Variants in EPS8 observed in about 807,000 individuals in gnomAD.
EPS8 encodes the protein epidermal growth factor receptor kinase substrate 8.
EPS8 carries 42 observed loss-of-function variants against 103.8 expected under a neutral mutation model. The observed-to-expected ratio is 0.40, with a 90% CI of 0.32 to 0.52. The LOEUF (loss-of-function observed/expected upper bound fraction) is 0.52. EPS8 is among the 20% of genes least tolerant of loss of function. The pLI is 0.40. For synonymous variants in EPS8, 344 were observed against 344.6 expected, an observed-to-expected ratio of 1.00 and a Z score of 0.02; for missense variants, 969 against 1,005.1, an observed-to-expected ratio of 0.96 and a Z score of 0.49.
In EPS8 at chr12:15,748,674, T is replaced by C. The variant is rs1333291209; in HGVS notation, c.-22+40487A>G. Reference sequence around the variant, plus strand: ...AGAAAAGAAAATATGCCCAGTTAGTTTAAAATGGAATAACTCTAGATAGAA... The same window carrying C: ...AGAAAAGAAAATATGCCCAGTTAGTCTAAAATGGAATAACTCTAGATAGAA... On this transcript the variant is annotated intron_variant, in intron 1 of 20. Coordinates refer to ENST00000281172, the MANE Select transcript of EPS8 (RefSeq NM_004447.6). This position sits in a 1 kb window ranked among gnomAD's most constrained non-coding sequence, Gnocchi z 4.8. Among the ~76,000 whole-genome samples the C allele has an allele frequency of 6.6e-6, 1 of 152,188 alleles. No individual in the cohort carries two copies. Among genetic ancestry groups the C allele is most frequent in the Non-Finnish European group, 1.5e-5 (1 of 68,034 alleles).
chr12:15,696,808 C>T lies in EPS8; in HGVS notation c.-21-13836G>A, dbSNP rs1439907556. On this transcript the variant is annotated intron_variant, in intron 1 of 20. Transcript: ENST00000281172. This position sits in a 1 kb window ranked among gnomAD's most constrained non-coding sequence, Gnocchi z 4.8. Reference sequence around the variant, plus strand: ...TTGCCAGGAATTACATTCCTAAACTCGGGCATGTGGAATTAAAACCAAGCA... The same window carrying T: ...TTGCCAGGAATTACATTCCTAAACTTGGGCATGTGGAATTAAAACCAAGCA... Among the ~76,000 whole-genome samples, 1 of 151,944 alleles carries T rather than the reference C, an allele frequency of 6.6e-6. No individual in the cohort carries two copies. The highest frequency in any genetic ancestry group is 2.1e-4 in the South Asian group (1 of 4,814).
Position 15,727,220 on chromosome 12 carries a change from G to A in EPS8, c.-21-44248C>T, listed in dbSNP as rs1297695295. ...ACCTGGGGTTCTGATTACTTCCCTCGTGGATTTAATATCTACCTTTATACG... is the reference window on the plus strand; with the variant it reads ...ACCTGGGGTTCTGATTACTTCCCTCATGGATTTAATATCTACCTTTATACG... On this transcript the variant is annotated intron_variant, in intron 1 of 20. Transcript: ENST00000281172. The surrounding 1 kb of genome is among the most constrained non-coding windows in gnomAD (Gnocchi z 4.3). 6.6e-6 allele frequency among the ~76,000 whole-genome samples: 1 copy of A among 152,044 alleles called. No homozygotes were observed. The highest frequency in any genetic ancestry group is 1.5e-5 in the Non-Finnish European group (1 of 68,016).
In EPS8 at chr12:15,767,190, A is replaced by T. The variant is rs1947107457; in HGVS notation, c.-22+21971T>A. Among the ~76,000 whole-genome samples the T allele has an allele frequency of 1.3e-5, 2 of 152,198 alleles. No individual in the cohort carries two copies. The highest frequency in any genetic ancestry group is 4.8e-5 in the African/African-American group (2 of 41,442). ...ATAACTGTATGGTGAAGGAAATCTA[A>T]ATAATATTGTTCAAAATATATCAAT... is the stretch of plus-strand genomic sequence containing the variant. On this transcript the variant is annotated intron_variant, in intron 1 of 20. Transcript: ENST00000281172. This position sits in a 1 kb window ranked among gnomAD's most constrained non-coding sequence, Gnocchi z 5.5.
At chr12:15,770,802 G>A (rs1565537776) in intron 1 of EPS8, among the ~76,000 whole-genome samples, 1 of 152,128 alleles carries the variant, frequency 6.6e-6, no homozygotes, top group African/African-American at 2.4e-5. Context: ...TAAAAACTGT[G>A]GTCAGTATTT....
chr12:15,660,026 A>G (rs1262542555), intron 10 of EPS8, among the ~76,000 whole-genome samples: 2 of 152,210 alleles, frequency 1.3e-5, no homozygotes, highest in Non-Finnish European at 2.9e-5. Flanking sequence ...TTAATTTTAC[A>G]ATAACTAATG....
chr12:15,770,960 C>T (rs1329485919), intron 1 of EPS8, among the ~76,000 whole-genome samples: 3 of 152,078 alleles, frequency 2.0e-5, no homozygotes, highest in Admixed American at 6.6e-5. Flanking sequence ...TAAGGCCTGT[C>T]CAAAAGTAAA....
chr12:15,669,599 G>A, intron 5 of EPS8, 63 bp from the exon 6 acceptor site: 3 of 1,556,172 alleles, frequency 1.9e-6, no homozygotes, highest in Non-Finnish European at 2.6e-6. Context: ...AATCTGAAAT[G>A]ATTGTAAACA....
intron 6 of EPS8, among the ~76,000 whole-genome samples, chr12:15,667,141 G>T (rs1945727835): frequency 6.6e-6 from 1 of 152,152 alleles, no homozygotes; most frequent in Non-Finnish European, 1.5e-5. Context: ...CTGTTTGGTT[G>T]CAAAGTTTGT....
intron 1 of EPS8, 71 bp from the exon 2 acceptor site, chr12:15,683,043 AT>A: frequency 1.4e-6 from 1 of 733,690 alleles, no homozygotes; most frequent in Non-Finnish European, 2.2e-6. Flanking sequence ...AAAGTTATTC[AT>A]TCAACAAATA....
At position 15,693,685 on chromosome 12, in the gene EPS8, T is replaced by A. The variant is rs1286255051; in HGVS notation, c.-21-10713A>T. On this transcript the variant is annotated intron_variant, in intron 1 of 20. Transcript: ENST00000281172. This position sits in a 1 kb window ranked among gnomAD's most constrained non-coding sequence, Gnocchi z 5.6. ...ATTTGGAGGAAGTGAAATAAATGCATATACCACCATGGAATACTATGCAGC... is the reference window on the plus strand; with the variant it reads ...ATTTGGAGGAAGTGAAATAAATGCAAATACCACCATGGAATACTATGCAGC... Among the ~76,000 whole-genome samples, 1 of 152,164 alleles carries A rather than the reference T, an allele frequency of 6.6e-6. No homozygotes were observed. The highest frequency in any genetic ancestry group is 2.4e-5 in the African/African-American group (1 of 41,444).
intron 15 of EPS8, among the ~76,000 whole-genome samples, chr12:15,644,710 A>C (rs1945291809): frequency 1.3e-5 from 2 of 152,248 alleles, no homozygotes; most frequent in South Asian, 2.1e-4. Flanking sequence ...AAAAAAAAAA[A>C]AAAACTGTTA....
At chr12:15,703,359 G>A (rs1324626729) in intron 1 of EPS8, among the ~76,000 whole-genome samples, 2 of 152,114 alleles carry the variant, frequency 1.3e-5, no homozygotes, top group African/African-American at 2.4e-5. Flanking sequence ...TATGAACAAT[G>A]TACTAGGAAA....
At chr12:15,664,185 T>A (rs1007001326) in intron 8 of EPS8, among the ~76,000 whole-genome samples, 4 of 151,462 alleles carry the variant, frequency 2.6e-5, no homozygotes, top group Non-Finnish European at 4.4e-5. Context: ...TTACTGTCTT[T>A]TAAACACATT....
chr12:15,650,716 C>G, intron 14 of EPS8, 107 bp downstream of exon 14: 1 of 950,336 alleles, frequency 1.1e-6, no homozygotes, highest in Non-Finnish European at 1.6e-6. Flanking sequence ...GACTTTGATT[C>G]TAGAACAATT....
In EPS8 at chr12:15,764,299, A is replaced by G. The variant is rs1947071303; in HGVS notation, c.-22+24862T>C. ...CCGGGTCCCTCTCATGACACATGGG[A>G]ATTATGCAAGCTACAATTCAAGATG... On this transcript the variant is annotated intron_variant, in intron 1 of 20. Transcript: ENST00000281172. This position sits in a 1 kb window ranked among gnomAD's most constrained non-coding sequence, Gnocchi z 4.1. 6.6e-6 allele frequency among the ~76,000 whole-genome samples: 1 copy of G among 152,188 alleles called. No individual in the cohort carries two copies. Among genetic ancestry groups the G allele is most frequent in the Non-Finnish European group, 1.5e-5 (1 of 68,038 alleles).
chr12:15,663,222 A>T (rs901028758), intron 8 of EPS8, among the ~76,000 whole-genome samples: 2 of 152,112 alleles, frequency 1.3e-5, no homozygotes, highest in African/African-American at 2.4e-5. Flanking sequence ...GCCCCAAAAA[A>T]TATCATTTGG....
chr12:15,669,911 A>G (rs1945786214), intron 4 of EPS8, 86 bp from the exon 5 acceptor site: 1 of 1,003,804 alleles, frequency 1.0e-6, no homozygotes. Flanking sequence ...AGAAAATCAA[A>G]TAACCTGAGG....
rs1945469613 is a variant in EPS8 at position 15,654,284 on chromosome 12, C to T, written c.1111G>A (p.Ala371Thr). Residue 371 changes from alanine to threonine, a missense_variant, in exon 13 of 21, where the codon GCA (alanine) becomes ACA (threonine). Ala to Thr is a moderately conservative substitution (Grantham distance 58). Transcript: ENST00000281172. ...CTGGCTAGTTCAGGACCTCCTGTTGCCTGCACCACCTAAGATAATAAACCA... is the reference window on the plus strand; with the variant it reads ...CTGGCTAGTTCAGGACCTCCTGTTGTCTGCACCACCTAAGATAATAAACCA... Reference protein sequence around the residue: ...LFTPLNMVVQATGGPELASSV... With the variant: ...LFTPLNMVVQTTGGPELASSV... The T allele has an allele frequency of 6.2e-7, 1 of 1,613,010 alleles. No individual in the cohort carries two copies. The highest frequency in any genetic ancestry group is 1.7e-5 in the Admixed American group (1 of 59,874).
chr12:15,753,215 C>T (rs1057142672), intron 1 of EPS8, among the ~76,000 whole-genome samples: 1 of 151,984 alleles, frequency 6.6e-6, no homozygotes, highest in African/African-American at 2.4e-5. Flanking sequence ...AAGAAAATTC[C>T]GAGATGTTTC....
Sources: gnomAD v4.1 joint callset for allele counts (sites outside exome capture counted in the v4.1 genomes callset) on GRCh38, gnomAD v4.1.1 for gene constraint, Gnocchi (gnomAD v3.1) non-coding constraint, MANE v1.5 for transcripts, NCBI Gene and HGNC (gene_info 2026-07-23, HGNC 2026-07-21) for gene names.